The following MYO9A variants were observed in gnomAD, a reference collection of about 807,000 sequenced individuals.
The protein encoded by MYO9A is myosin IXA, also known as unconventional myosin-IXa.
MYO9A carries 103 observed loss-of-function variants against 293.3 expected under a neutral mutation model. That is an observed-to-expected ratio of 0.35 (90% CI 0.30 to 0.41). MYO9A has a LOEUF of 0.41. Among genes scored for constraint, MYO9A ranks in the 10% least tolerant of loss-of-function variants. The pLI, the probability that MYO9A is intolerant of heterozygous loss-of-function variation, is 1.00. For missense variants in MYO9A, 2,685 were observed against 3,033.0 expected (o/e 0.89, Z 2.69); for synonymous variants, 1,001 against 1,035.7 (o/e 0.97, Z 0.64).
chr15:71,990,959 T>C (rs560170433), intron 11 of MYO9A, 144 bp downstream of exon 11: 7 of 824,524 alleles, frequency 8.5e-6, no homozygotes, highest in Non-Finnish European at 1.2e-5. Flanking sequence ...TCGGTTATTC[T>C]TGTTTGTAAA....
chr15:72,027,923 C>T (rs982036351), intron 3 of MYO9A, 130 bp from the exon 4 acceptor site: 7 of 641,604 alleles, frequency 1.1e-5, no homozygotes, highest in African/African-American at 5.6e-5. Context: ...ATTGGCCGGG[C>T]GAGGTGGCTC....
chr15:71,955,914 G>A (rs2059165169), intron 14 of MYO9A, among the ~76,000 whole-genome samples: 1 of 151,866 alleles, frequency 6.6e-6, no homozygotes, highest in African/African-American at 2.4e-5. Context: ...TGCTTATTCT[G>A]GACAATTCAC....
rs8557 is a variant in MYO9A at position 71,823,392 on chromosome 15, T to C, written c.*3188A>G. 0.34 allele frequency: 51,004 copies of C among 152,052 alleles called. 9,413 individuals are homozygous for C. Among genetic ancestry groups the C allele is most frequent in the East Asian group, 0.63 (3,243 of 5,160 alleles). The allele number at this position is 152,052 out of a possible 1,614,324, so 9.4% of individuals were successfully genotyped here. A position where few individuals can be genotyped will look rare whatever the true frequency, so the allele number is the denominator to read the frequency against. On this transcript the variant is annotated 3_prime_UTR_variant, in exon 42 of 42. Coordinates refer to ENST00000356056, the MANE Select transcript of MYO9A (RefSeq NM_006901.4). Reference sequence around the variant, plus strand: ...TTCATTAATCTTCCAGCAGGGTAAGTGCTCTGGCAGGTTTCCAAAGCATGA... The same window carrying C: ...TTCATTAATCTTCCAGCAGGGTAAGCGCTCTGGCAGGTTTCCAAAGCATGA...
intron 1 of MYO9A, among the ~76,000 whole-genome samples, chr15:72,070,751 A>G (rs981851945): frequency 6.6e-6 from 1 of 152,226 alleles, no homozygotes; most frequent in Non-Finnish European, 1.5e-5. Flanking sequence ...ACAAAGCCAC[A>G]TACCTACAAC....
chr15:71,849,319 C>A (rs1380070312), intron 38 of MYO9A, among the ~76,000 whole-genome samples: 1 of 152,218 alleles, frequency 6.6e-6, no homozygotes, highest in East Asian at 1.9e-4. Context: ...CATGGTGGTG[C>A]ACGCCTATAA....
At chr15:72,052,879 C>T (rs12441567) in intron 1 of MYO9A, among the ~76,000 whole-genome samples, 6,711 of 152,212 alleles carry the variant, frequency 0.044, 262 homozygotes, top group East Asian at 0.18. Context: ...CAAACACAGC[C>T]TGCCATTCAG....
chr15:72,052,635 G>T (rs889416727), intron 1 of MYO9A, among the ~76,000 whole-genome samples: 1 of 152,180 alleles, frequency 6.6e-6, no homozygotes, highest in South Asian at 2.1e-4. Context: ...GGGGCTCTAC[G>T]GTTCCTGGCA....
At chr15:71,931,441 T>G (rs188955132) in intron 18 of MYO9A, among the ~76,000 whole-genome samples, 223 of 152,358 alleles carry the variant, frequency 1.5e-3, no homozygotes, top group African/African-American at 5.1e-3. Context: ...ATGCAAGGTT[T>G]CTCATGAAAA....
intron 1 of MYO9A, among the ~76,000 whole-genome samples, chr15:72,092,910 T>TACAC (rs59999448): frequency 0.036 from 5,061 of 141,954 alleles, 109 homozygotes; most frequent in African/African-American, 0.047. Context: ...CCACCTTACT[T>TACAC]ACACACACAC....
At chr15:72,050,814 T>G (rs1326233552) in intron 1 of MYO9A, among the ~76,000 whole-genome samples, 1 of 152,152 alleles carries the variant, frequency 6.6e-6, no homozygotes, top group African/African-American at 2.4e-5. Flanking sequence ...CATAGCAAGC[T>G]ACTTGACAAT....
chr15:72,094,366 A>ATTTTTTT (rs3028399), intron 1 of MYO9A, among the ~76,000 whole-genome samples: 2,269 of 87,324 alleles, frequency 0.026, 563 homozygotes, highest in Admixed American at 0.14. Flanking sequence ...ACAGATAGTG[A>ATTTTTTT]TTTTTTAACA....
chr15:72,001,711 A>G (rs1036056569), intron 8 of MYO9A, among the ~76,000 whole-genome samples: 8 of 152,202 alleles, frequency 5.3e-5, no homozygotes, highest in South Asian at 4.1e-4. Context: ...TCTAGCAAAT[A>G]TAACACCTTT....
At chr15:71,953,784 G>A (rs1273201405) in intron 14 of MYO9A, 1 of 152,102 alleles carries the variant, frequency 6.6e-6, no homozygotes, top group Non-Finnish European at 1.5e-5. Context: ...TTTGTTTTAT[G>A]TACCAAACCC....
chr15:71,956,807 A>ATATATATGC (rs1194542250), intron 14 of MYO9A, among the ~76,000 whole-genome samples: 4 of 149,246 alleles, frequency 2.7e-5, no homozygotes, highest in African/African-American at 9.8e-5. Context: ...TGTATGCTAT[A>ATATATATGC]TATATATGCT....
At chr15:71,958,897 C>T (rs1375169921) in intron 14 of MYO9A, 1 of 152,120 alleles carries the variant, frequency 6.6e-6, no homozygotes, top group African/African-American at 2.4e-5. Context: ...AAGGAATATA[C>T]AGATAATGTG....
chr15:71,839,716 G>A lies in MYO9A; in HGVS notation c.6837+9129C>T, dbSNP rs150568527. Among the ~76,000 whole-genome samples, 37 of 152,032 alleles carry A rather than the reference G, an allele frequency of 2.4e-4. 1 individual carries two copies. In the East Asian group the frequency reaches 3.5e-3, roughly 14 times the overall value. On this transcript the variant is annotated intron_variant, in intron 39 of 41. Transcript: ENST00000356056. The stretch of plus-strand genomic sequence containing the variant: ...TGAACTACTGTGCCTGGCCTGAATC[G>A]GCTTTTTTTTTGTTTCTTTTCTTCC...
chr15:71,971,167 A>T lies in MYO9A; in HGVS notation c.1845-3042T>A, dbSNP rs2076000522. On this transcript the variant is annotated intron_variant, in intron 12 of 41. Transcript: ENST00000356056. ...CAGAGCGAGACTCCGTATCAGAAAA[A>T]ATTAAAAAAAAAAAAAGAAGTGACA... Among the ~76,000 whole-genome samples the T allele has an allele frequency of 3.3e-5, 5 of 151,420 alleles. No individual in the cohort carries two copies. The South Asian group carries it at 1.1e-3, about 32-fold the overall frequency.
rs151191193 is a variant in MYO9A at position 72,099,478 on chromosome 15, T to C, written c.-72+18202A>G. 9.9e-3 allele frequency among the ~76,000 whole-genome samples: 1,462 copies of C among 147,232 alleles called. 27 individuals carry two copies. Among genetic ancestry groups the C allele is most frequent in the African/African-American group, 0.035 (1,373 of 39,736 alleles). On this transcript the variant is annotated intron_variant, in intron 1 of 41. Coordinates refer to ENST00000356056, the MANE Select transcript of MYO9A (RefSeq NM_006901.4). ...TTAGCCAGGTCTAGTGACACACACC[T>C]GTAGTCCCAGCTACTCAGGATCCTG...
chr15:71,877,567 C>A (rs903454664), intron 31 of MYO9A, among the ~76,000 whole-genome samples: 1 of 152,120 alleles, frequency 6.6e-6, no homozygotes, highest in South Asian at 2.1e-4. Flanking sequence ...AAGTGATTCT[C>A]CTGCTTCAGC....
Sources: allele counts gnomAD v4.1 joint callset (sites outside exome capture counted in the v4.1 genomes callset), GRCh38; gene constraint gnomAD v4.1.1; transcripts MANE v1.5; gene names NCBI Gene and HGNC (gene_info 2026-07-23, HGNC 2026-07-21).